The following TRIM55 variants were observed in gnomAD, a reference collection of about 807,000 sequenced individuals.
TRIM55 encodes the protein tripartite motif containing 55.
TRIM55 carries 50 observed loss-of-function variants against 60.9 expected under a neutral mutation model. The observed-to-expected ratio is 0.82, with a 90% confidence interval of 0.65 to 1.04. The LOEUF is 1.04. Among genes scored for constraint, TRIM55 ranks in the 50% least tolerant of loss-of-function variants. TRIM55 has a pLI of 0.00. For synonymous variants in TRIM55, 237 were observed against 238.1 expected (o/e 1.00, Z 0.04); for missense variants, 681 against 666.9 (o/e 1.02, Z -0.23).
In TRIM55 at chr8:66,174,718, T is replaced by C; in HGVS notation, c.*125T>C. 2.7e-6 allele frequency: 3 copies of C among 1,118,508 alleles called. No homozygotes were observed. The highest frequency in any genetic ancestry group is 1.6e-5 in the African/African-American group (1 of 61,538). The allele number at this position is 1,118,508 out of a possible 1,614,324, so 69.3% of individuals were successfully genotyped here. ...CCTCTGAACAGGATTTCTGCAAAAA[T>C]AGCCCCAAACTGCAATTCCATATGA... On this transcript the variant is annotated 3_prime_UTR_variant, in exon 10 of 10. Coordinates refer to ENST00000315962, the MANE Select transcript of TRIM55 (RefSeq NM_184085.2).
intron 9 of TRIM55, chr8:66,155,818 G>A (rs534110632): frequency 3.9e-6 from 3 of 773,684 alleles, no homozygotes; most frequent in African/African-American, 3.5e-5. Context: ...TTGAGGCTCA[G>A]TCCTCCCAAA....
At position 66,174,484 on chromosome 8, in the gene TRIM55, C is replaced by G. The variant is rs773147440; in HGVS notation, c.1538C>G (p.Ala513Gly). ...PAATSQIGFE[A>G]PPLQGQAAAP... ...CTTCCATTGCAGATTGGATTTGAGGCTCCTCCCCTCCAGGGACAGGCTGCA... is the reference window on the plus strand; with the variant it reads ...CTTCCATTGCAGATTGGATTTGAGGGTCCTCCCCTCCAGGGACAGGCTGCA... The change falls in exon 10 of 10, where the codon GCT (alanine) becomes GGT (glycine). Residue 513 changes from alanine to glycine, a missense_variant. Transcript: ENST00000315962. The G allele has an allele frequency of 2.5e-6, 4 of 1,611,418 alleles. No homozygotes were observed. Among genetic ancestry groups the G allele is most frequent in the Non-Finnish European group, 1.7e-6 (2 of 1,179,310 alleles).
At chr8:66,169,754 G>A (rs764074540) in intron 9 of TRIM55, among the ~76,000 whole-genome samples, 6 of 152,178 alleles carry the variant, frequency 3.9e-5, no homozygotes, top group East Asian at 1.9e-4. Context: ...GACCCTGACC[G>A]AGATGGGCAG....
the TRIM55 span, among the ~76,000 whole-genome samples, chr8:66,117,891 G>T: frequency 6.6e-6 from 1 of 152,008 alleles, no homozygotes; most frequent in African/African-American, 2.4e-5. Flanking sequence ...AGGAGGCCGG[G>T]CACGGTGGCT....
chr8:66,169,775 G>T (rs374080395), intron 9 of TRIM55, among the ~76,000 whole-genome samples: 18 of 152,174 alleles, frequency 1.2e-4, no homozygotes, highest in Non-Finnish European at 2.4e-4. Context: ...AAGGGACGGA[G>T]CATTCCCAAT....
chr8:66,134,552 T>C (rs1286652769), intron 2 of TRIM55, among the ~76,000 whole-genome samples: 2 of 152,166 alleles, frequency 1.3e-5, no homozygotes, highest in East Asian at 3.8e-4. Context: ...TCTTGGTCCA[T>C]AATGGGAAAG....
At chr8:66,118,538 A>T in the TRIM55 span, among the ~76,000 whole-genome samples, 1 of 152,318 alleles carries the variant, frequency 6.6e-6, no homozygotes, top group Middle Eastern at 3.4e-3. Flanking sequence ...AGTATTTTGT[A>T]GATGTCATGG....
intron 9 of TRIM55, among the ~76,000 whole-genome samples, chr8:66,170,891 C>A (rs1327300240): frequency 6.6e-6 from 1 of 152,202 alleles, no homozygotes; most frequent in Non-Finnish European, 1.5e-5. Flanking sequence ...GAGGCAGAAG[C>A]AACCTAAATC....
the TRIM55 span, among the ~76,000 whole-genome samples, chr8:66,116,725 C>T: frequency 2.7e-5 from 2 of 72,772 alleles, no homozygotes; most frequent in Admixed American, 3.1e-4. Context: ...TGAATTCTAC[C>T]AAACAATTAA....
At chr8:66,114,488 G>T in the TRIM55 span, 1 of 449,066 alleles carries the variant, frequency 2.2e-6, no homozygotes, top group South Asian at 1.6e-5. Flanking sequence ...CTTCAAAAAT[G>T]GCGACAGATT....
At chr8:66,119,421 C>A in the TRIM55 span, among the ~76,000 whole-genome samples, 1 of 152,208 alleles carries the variant, frequency 6.6e-6, no homozygotes, top group Non-Finnish European at 1.5e-5. Context: ...GTTTGATGAA[C>A]AAATGGCTCC....
intron 9 of TRIM55, among the ~76,000 whole-genome samples, chr8:66,167,863 C>G (rs2128986073): frequency 6.6e-6 from 1 of 152,208 alleles, no homozygotes; most frequent in Admixed American, 6.5e-5. Flanking sequence ...ATTCTCCCAC[C>G]CAGCCTCCTG....
intron 2 of TRIM55, among the ~76,000 whole-genome samples, chr8:66,132,088 G>T (rs759752883): frequency 8.5e-5 from 13 of 152,226 alleles, no homozygotes; most frequent in Non-Finnish European, 1.6e-4. Context: ...ACTGAGACCA[G>T]AAGAGGTTAA....
chr8:66,154,396 G>A, intron 9 of TRIM55, 62 bp downstream of exon 9: 2 of 1,536,608 alleles, frequency 1.3e-6, no homozygotes, highest in South Asian at 1.2e-5. Flanking sequence ...ACTGGAACAG[G>A]CCACAGCAAG....
chr8:66,174,259 A>G (rs1279351413), intron 9 of TRIM55, among the ~76,000 whole-genome samples: 8 of 151,482 alleles, frequency 5.3e-5, no homozygotes. Context: ...TTTTTGTATC[A>G]TGAGTGTGAA....
intron 4 of TRIM55, among the ~76,000 whole-genome samples, chr8:66,142,312 C>T (rs1321994209): frequency 6.6e-6 from 1 of 152,194 alleles, no homozygotes; most frequent in Non-Finnish European, 1.5e-5. Flanking sequence ...GAGCATCTCC[C>T]TCTAGAGGGA....
chr8:66,165,578 G>A (rs773588254), intron 9 of TRIM55, among the ~76,000 whole-genome samples: 7 of 152,200 alleles, frequency 4.6e-5, no homozygotes, highest in Non-Finnish European at 7.3e-5. Context: ...GATTCAGGGT[G>A]TCAAATTATT....
the TRIM55 span, among the ~76,000 whole-genome samples, chr8:66,117,335 G>A: frequency 6.6e-6 from 1 of 152,224 alleles, no homozygotes; most frequent in Non-Finnish European, 1.5e-5. Context: ...AGGGAAAACT[G>A]TCTCTGTACG....
intron 9 of TRIM55, 66 bp from the exon 10 acceptor site, chr8:66,174,405 G>C: frequency 6.6e-7 from 1 of 1,505,024 alleles, no homozygotes; most frequent in Non-Finnish European, 9.0e-7. Context: ...CAATAGAAAA[G>C]TGACTGGACC....
Sources: allele counts gnomAD v4.1 joint callset (sites outside exome capture counted in the v4.1 genomes callset), GRCh38; gene constraint gnomAD v4.1.1; transcripts MANE v1.5; gene names NCBI Gene and HGNC (gene_info 2026-07-23, HGNC 2026-07-21).